The following LDLRAD4 variants were observed in gnomAD, a reference collection of about 807,000 sequenced individuals.
LDLRAD4 encodes low-density lipoprotein receptor class A domain-containing protein 4.
Under a neutral mutation model 17.0 loss-of-function variants are expected in LDLRAD4, and 5 were observed. The observed-to-expected ratio is 0.29, with a 90% CI of 0.15 to 0.62. The LOEUF (loss-of-function observed/expected upper bound fraction) is 0.62, where lower values mean the gene tolerates loss of function less well. Among genes scored for constraint, LDLRAD4 ranks in the 20% least tolerant of loss-of-function variants. LDLRAD4 has a pLI of 0.84. For missense variants in LDLRAD4, 340 were observed against 424.7 expected (o/e 0.80, Z 1.75); for synonymous variants, 168 against 171.8 (o/e 0.98, Z 0.17).
intron 3 of LDLRAD4, among the ~76,000 whole-genome samples, chr18:13,531,144 T>C (rs11873920): frequency 0.044 from 6,751 of 152,210 alleles, 519 homozygotes; most frequent in African/African-American, 0.15. Flanking sequence ...AGCCCAGTCC[T>C]GGAGGCAGCC....
At chr18:13,372,330 G>A (rs1010003256) in intron 1 of LDLRAD4, among the ~76,000 whole-genome samples, 1 of 152,164 alleles carries the variant, frequency 6.6e-6, no homozygotes, top group African/African-American at 2.4e-5. Context: ...TTCCTGGTTA[G>A]CCTTACTTTT....
intron 3 of LDLRAD4, among the ~76,000 whole-genome samples, chr18:13,478,554 T>C (rs1157766382): frequency 6.6e-6 from 1 of 152,180 alleles, no homozygotes; most frequent in Non-Finnish European, 1.5e-5. Context: ...TGCAAGAAAT[T>C]AAATACTTAG....
intron 3 of LDLRAD4, among the ~76,000 whole-genome samples, chr18:13,539,586 T>G (rs2094247698): frequency 6.6e-6 from 1 of 152,158 alleles, no homozygotes; most frequent in Admixed American, 6.5e-5. Flanking sequence ...TCCATGCACC[T>G]ATTTAGTATT....
intron 3 of LDLRAD4, among the ~76,000 whole-genome samples, chr18:13,537,053 G>A (rs949243281): frequency 8.6e-5 from 13 of 152,020 alleles, no homozygotes; most frequent in Admixed American, 8.5e-4. Context: ...TTTTGCATCT[G>A]GCTTCATTAG....
intron 1 of LDLRAD4, among the ~76,000 whole-genome samples, chr18:13,337,079 A>G (rs1361841174): frequency 6.6e-6 from 1 of 152,164 alleles, no homozygotes; most frequent in Non-Finnish European, 1.5e-5. Flanking sequence ...AGGCTTTACA[A>G]CCCAGAGCCT....
chr18:13,647,672 A>T (rs975101226), exon 6 of LDLRAD4: 5 of 152,308 alleles, frequency 3.3e-5, no homozygotes, highest in African/African-American at 9.6e-5. Flanking sequence ...TTTCCATTAC[A>T]TTCATCCTTT....
rs758460355 is a variant in LDLRAD4 at position 13,645,176 on chromosome 18, T to C, written c.440T>C (p.Ile147Thr). 5.0e-6 allele frequency: 8 copies of C among 1,613,928 alleles called. No individual in the cohort carries two copies. The highest frequency in any genetic ancestry group is 6.8e-6 in the Non-Finnish European group (8 of 1,180,004). The change falls in exon 6 of 6, where the codon ATC (isoleucine) becomes ACC (threonine). Residue 147 changes from isoleucine (I) to threonine (T), a missense_variant. Ile to Thr is a moderately conservative substitution (Grantham distance 89). Coordinates refer to ENST00000359446, the Ensembl canonical transcript of LDLRAD4. The surrounding 1 kb of genome is among the most constrained non-coding windows in gnomAD (Gnocchi z 5.7). ...GACAGGTTCACAGCGCCGTCCTTCA[T>C]CCAGAGGGATCGCTTCAGCCGCTTC...
intron 4 of LDLRAD4, among the ~76,000 whole-genome samples, chr18:13,637,362 A>G (rs1601852657): frequency 6.6e-6 from 1 of 152,250 alleles, no homozygotes; most frequent in Non-Finnish European, 1.5e-5. Context: ...CCAGAGCCAG[A>G]GAAGAACTTG....
At chr18:13,413,480 T>C (rs2088568781) in intron 2 of LDLRAD4, among the ~76,000 whole-genome samples, 1 of 152,198 alleles carries the variant, frequency 6.6e-6, no homozygotes, top group African/African-American at 2.4e-5. Context: ...CCTCATCTCA[T>C]AGTGTGATCA....
At chr18:13,509,584 A>G (rs7233826) in intron 3 of LDLRAD4, among the ~76,000 whole-genome samples, 51,161 of 152,050 alleles carry the variant, frequency 0.34, 8,902 homozygotes, top group Middle Eastern at 0.56. Flanking sequence ...AATGCTGTGA[A>G]TATTGTTGAA....
At chr18:13,640,191 G>C (rs548258313) in intron 4 of LDLRAD4, among the ~76,000 whole-genome samples, 1,908 of 151,336 alleles carry the variant, frequency 0.013, 33 homozygotes, top group African/African-American at 0.044. Flanking sequence ...TACTCGGTAG[G>C]CTGAGGCGGG....
intron 3 of LDLRAD4, among the ~76,000 whole-genome samples, chr18:13,584,424 C>T (rs2094907810): frequency 6.6e-6 from 1 of 152,190 alleles, no homozygotes; most frequent in African/African-American, 2.4e-5. Context: ...TGTGATAGCC[C>T]TGCCCAGCTG....
At chr18:13,394,197 A>G (rs2086484190) in intron 2 of LDLRAD4, among the ~76,000 whole-genome samples, 1 of 152,178 alleles carries the variant, frequency 6.6e-6, no homozygotes, top group Non-Finnish European at 1.5e-5. Flanking sequence ...CTTAATTAAT[A>G]ACGTTTCTGT....
At chr18:13,558,093 T>G (rs1352265059) in intron 3 of LDLRAD4, among the ~76,000 whole-genome samples, 2 of 152,252 alleles carry the variant, frequency 1.3e-5, no homozygotes, top group Non-Finnish European at 2.9e-5. Flanking sequence ...GTTGTCAGTT[T>G]CTAAGCAACC....
intron 1 of LDLRAD4, among the ~76,000 whole-genome samples, chr18:13,262,951 G>A (rs1406474971): frequency 8.5e-6 from 1 of 117,180 alleles, no homozygotes; most frequent in African/African-American, 3.3e-5. Flanking sequence ...TGTGCGTGGG[G>A]GCTGAGTCCC....
chr18:13,358,676 T>C (rs1226438957), intron 1 of LDLRAD4, among the ~76,000 whole-genome samples: 1 of 152,164 alleles, frequency 6.6e-6, no homozygotes, highest in Non-Finnish European at 1.5e-5. Flanking sequence ...CCGTCACCAA[T>C]TGTGATGACT....
At chr18:13,491,241 G>A (rs2093351484) in intron 3 of LDLRAD4, 1 of 152,224 alleles carries the variant, frequency 6.6e-6, no homozygotes, top group Admixed American at 6.5e-5. Context: ...GGGTAGCTGG[G>A]ACGATGAAAG....
At chr18:13,627,788 C>G (rs2041307263) in intron 4 of LDLRAD4, among the ~76,000 whole-genome samples, 1 of 152,230 alleles carries the variant, frequency 6.6e-6, no homozygotes, top group Non-Finnish European at 1.5e-5. Context: ...GCTCCCCGCT[C>G]TCTGAGGCTC....
chr18:13,363,263 T>C (rs1415553394), intron 1 of LDLRAD4, among the ~76,000 whole-genome samples: 1 of 135,806 alleles, frequency 7.4e-6, no homozygotes, highest in African/African-American at 2.8e-5. Context: ...ACCTGGGAAG[T>C]GGAGCTTGCA....
Sources: gnomAD v4.1 joint callset for allele counts (sites outside exome capture counted in the v4.1 genomes callset) on GRCh38, gnomAD v4.1.1 for gene constraint, Gnocchi (gnomAD v3.1) non-coding constraint, MANE v1.5 for transcripts, NCBI Gene and HGNC (gene_info 2026-07-23, HGNC 2026-07-21) for gene names.